GDPD5: variants seen among roughly 807,000 people sequenced by gnomAD.
GDPD5 encodes glycerophosphodiester phosphodiesterase domain containing 5, also known as glycerophosphodiester phosphodiesterase 2.
GDPD5 carries 48 observed loss-of-function variants against 75.1 expected under a neutral mutation model. The ratio of observed to expected loss-of-function variants is 0.64; its 90% confidence interval spans 0.51 to 0.81. The LOEUF (loss-of-function observed/expected upper bound fraction) is 0.81, where lower values mean the gene tolerates loss of function less well. Ranked by LOEUF, GDPD5 falls within the 40% of genes least tolerant of loss-of-function variation. The pLI, the probability that GDPD5 is intolerant of heterozygous loss-of-function variation, is 0.00. For missense variants in GDPD5, 706 were observed against 822.6 expected (o/e 0.86, Z 1.73); for synonymous variants, 336 against 339.0 (o/e 0.99, Z 0.10).
At chr11:75,445,506 G>A (rs1179531808) in intron 9 of GDPD5, among the ~76,000 whole-genome samples, 1 of 152,152 alleles carries the variant, frequency 6.6e-6, no homozygotes, top group Non-Finnish European at 1.5e-5. Context: ...TGCCACTGGG[G>A]GTCAGCACCA....
At chr11:75,457,880 G>T in intron 4 of GDPD5, 94 bp from the exon 5 acceptor site, 2 of 907,430 alleles carry the variant, frequency 2.2e-6, no homozygotes, top group Non-Finnish European at 3.5e-6. Flanking sequence ...CAGACGACAG[G>T]CTGGGCTCAG....
intron 1 of GDPD5, among the ~76,000 whole-genome samples, chr11:75,510,833 G>A (rs1186168505): frequency 6.6e-6 from 1 of 152,078 alleles, no homozygotes; most frequent in Non-Finnish European, 1.5e-5. Flanking sequence ...CAGGGTAATG[G>A]GTCCTGGAAT....
intron 4 of GDPD5, among the ~76,000 whole-genome samples, chr11:75,459,153 T>G (rs1949357859): frequency 6.6e-6 from 1 of 152,176 alleles, no homozygotes; most frequent in Non-Finnish European, 1.5e-5. Context: ...GCCACGTGGT[T>G]TTCCACTGAA....
chr11:75,455,509 C>T lies in GDPD5; in HGVS notation c.375+1248G>A, dbSNP rs540427128. ...TGCCTCCCTGGATGCTCACAGGCAC[C>T]TCCCACTCCACACAGCCCAACCCAG... On this transcript the variant is annotated intron_variant, in intron 6 of 16. Transcript: ENST00000336898. Among the ~76,000 whole-genome samples the T allele has an allele frequency of 7.9e-5, 12 of 152,304 alleles. No individual in the cohort carries two copies. In the South Asian group the frequency reaches 1.4e-3, roughly 18 times the overall value.
At chr11:75,459,502 G>A (rs1178208195) in intron 4 of GDPD5, among the ~76,000 whole-genome samples, 1 of 152,096 alleles carries the variant, frequency 6.6e-6, no homozygotes, top group East Asian at 1.9e-4. Flanking sequence ...GATAGATACT[G>A]CTTAGATGCT....
intron 3 of GDPD5, among the ~76,000 whole-genome samples, chr11:75,470,758 G>C (rs1949643923): frequency 6.6e-6 from 1 of 152,212 alleles, no homozygotes; most frequent in Non-Finnish European, 1.5e-5. Context: ...AAAAGGCAGG[G>C]ATCTAATTTT....
chr11:75,439,872 T>A lies in GDPD5; in HGVS notation c.1556+7A>T. ...GACAGCCACGGAAGTGGTCAGATCC[T>A]ACTCACTTCTGGAGCACGAAGATGC... On this transcript the variant is annotated splice_region_variant and intron_variant, in intron 15 of 16. Coordinates refer to ENST00000336898, the MANE Select transcript of GDPD5 (RefSeq NM_030792.8). The A allele has an allele frequency of 6.2e-7, 1 of 1,612,064 alleles. No individual in the cohort carries two copies. The highest frequency in any genetic ancestry group is 8.5e-7 in the Non-Finnish European group (1 of 1,178,354).
intron 3 of GDPD5, among the ~76,000 whole-genome samples, chr11:75,469,568 GA>G (rs1949610634): frequency 1.3e-5 from 2 of 152,242 alleles, no homozygotes; most frequent in African/African-American, 2.4e-5. Context: ...AACAGGCTCA[GA>G]GGGACAGGGC....
chr11:75,524,019 A>T (rs1941567520), intron 1 of GDPD5, among the ~76,000 whole-genome samples: 1 of 152,226 alleles, frequency 6.6e-6, no homozygotes, highest in South Asian at 2.1e-4. Context: ...AAGAGCCCAC[A>T]GAGTCCATGC....
intron 4 of GDPD5, among the ~76,000 whole-genome samples, chr11:75,462,367 C>G (rs1007306880): frequency 2.0e-5 from 3 of 152,154 alleles, no homozygotes; most frequent in Non-Finnish European, 4.4e-5. Context: ...ATGCAAGCAC[C>G]AAGGGGTCTC....
At chr11:75,444,948 G>C (rs1256422446) in intron 9 of GDPD5, among the ~76,000 whole-genome samples, 1 of 152,086 alleles carries the variant, frequency 6.6e-6, no homozygotes, top group South Asian at 2.1e-4. Flanking sequence ...TATACCCTGA[G>C]ACAAGTCCAG....
At chr11:75,493,776 T>C (rs905401025) in intron 1 of GDPD5, among the ~76,000 whole-genome samples, 1 of 152,178 alleles carries the variant, frequency 6.6e-6, no homozygotes, top group Admixed American at 6.5e-5. Flanking sequence ...GTTTCTTGCA[T>C]AAGCAAGCAT....
chr11:75,517,942 A>G (rs1225444191), intron 1 of GDPD5, among the ~76,000 whole-genome samples: 1 of 152,234 alleles, frequency 6.6e-6, no homozygotes, highest in East Asian at 1.9e-4. Flanking sequence ...AGAGTCTGAC[A>G]CTTTGACCAT....
At chr11:75,469,022 C>T (rs994873956) in intron 3 of GDPD5, among the ~76,000 whole-genome samples, 1 of 152,222 alleles carries the variant, frequency 6.6e-6, no homozygotes, top group African/African-American at 2.4e-5. Context: ...ATTATCATTT[C>T]GCGTCTGACA....
intron 2 of GDPD5, among the ~76,000 whole-genome samples, chr11:75,483,323 G>T (rs55928243): frequency 0.013 from 2,052 of 152,242 alleles, 22 homozygotes; most frequent in Middle Eastern, 0.051. Flanking sequence ...CTTGCACAGG[G>T]AAAAGCAAGA....
At chr11:75,513,908 G>C (rs1321006121) in intron 1 of GDPD5, among the ~76,000 whole-genome samples, 1 of 152,226 alleles carries the variant, frequency 6.6e-6, no homozygotes, top group Non-Finnish European at 1.5e-5. Context: ...GGTGCCATGG[G>C]AGCTGCCGCA....
intron 1 of GDPD5, among the ~76,000 whole-genome samples, chr11:75,498,509 G>A (rs546128770): frequency 6.1e-5 from 8 of 130,640 alleles, no homozygotes; most frequent in Admixed American, 1.7e-4. Flanking sequence ...CCTCCTACTC[G>A]TCACTGATGC....
chr11:75,444,792 G>A (rs1426386797), intron 9 of GDPD5, among the ~76,000 whole-genome samples: 2 of 152,166 alleles, frequency 1.3e-5, no homozygotes, highest in Non-Finnish European at 2.9e-5. Flanking sequence ...GGTAGCTATG[G>A]TCACTATGTT....
At chr11:75,472,692 T>C (rs888355610) in intron 3 of GDPD5, among the ~76,000 whole-genome samples, 5 of 152,214 alleles carry the variant, frequency 3.3e-5, no homozygotes, top group Non-Finnish European at 7.3e-5. Context: ...AACCGCTTCC[T>C]CACTCACTCA....
Sources: gnomAD v4.1 joint callset for allele counts (sites outside exome capture counted in the v4.1 genomes callset) on GRCh38, gnomAD v4.1.1 for gene constraint, MANE v1.5 for transcripts, NCBI Gene and HGNC (gene_info 2026-07-23, HGNC 2026-07-21) for gene names.